The following FAM167A variants were observed in gnomAD, a reference collection of about 807,000 sequenced individuals.
The protein encoded by FAM167A is family with sequence similarity 167 member A, also known as protein FAM167A.
FAM167A carries 23 observed loss-of-function variants against 14.9 expected under a neutral mutation model. The ratio of observed to expected loss-of-function variants is 1.55; its 90% CI spans 1.11 to 2.19. The LOEUF is 2.19. Among genes scored for constraint, FAM167A ranks in the 30% most tolerant of loss-of-function variants. The pLI, the probability that FAM167A is intolerant of heterozygous loss-of-function variation, is 0.00. For missense variants in FAM167A, 401 were observed against 281.5 expected, an observed-to-expected ratio of 1.42 and a Z score of -3.04; for synonymous variants, 174 against 117.7, an observed-to-expected ratio of 1.48 and a Z score of -3.10.
upstream of FAM167A, among the ~76,000 whole-genome samples, chr8:11,468,974 G>C (rs1807869090): frequency 6.6e-6 from 1 of 152,160 alleles, no homozygotes; most frequent in South Asian, 2.1e-4. Flanking sequence ...GAGCAGTCTT[G>C]GTTGGAGTAG....
chr8:11,473,660 G>T (rs1808032736), intron 1 of FAM167A, among the ~76,000 whole-genome samples: 1 of 152,132 alleles, frequency 6.6e-6, no homozygotes, highest in Non-Finnish European at 1.5e-5. Context: ...CTATCTCTGG[G>T]TCTGCCCCTT....
chr8:11,448,850 C>T (rs976483919), intron 1 of FAM167A, among the ~76,000 whole-genome samples: 1 of 152,208 alleles, frequency 6.6e-6, no homozygotes, highest in African/African-American at 2.4e-5. Flanking sequence ...GCTGACAAGC[C>T]GAGCACCCAG....
At position 11,444,449 on chromosome 8, in the gene FAM167A, C is replaced by CA; in HGVS notation, c.-39_-38insT. Reference sequence around the variant, plus strand: ...CCTGGCAGCCGGACATGCGAGGGCACGGGGGGCGCAGGGGGAGGCTTGGTG... The same window carrying CA: ...CCTGGCAGCCGGACATGCGAGGGCACAGGGGGGCGCAGGGGGAGGCTTGGTG... On this transcript the variant is annotated 5_prime_UTR_variant, in exon 2 of 3. It removes the in-frame stop codon of an upstream open reading frame in the 5' UTR. Coordinates refer to ENST00000284486, the MANE Select transcript of FAM167A (RefSeq NM_053279.3). 1 of 1,479,696 alleles carries CA rather than the reference C, an allele frequency of 6.8e-7. No individual in the cohort carries two copies. The highest frequency in any genetic ancestry group is 9.0e-7 in the Non-Finnish European group (1 of 1,113,542). 91.7% of individuals were successfully genotyped at this position (1,479,696 alleles called of 1,614,324 possible).
chr8:11,448,109 G>A (rs1486637728), intron 1 of FAM167A, among the ~76,000 whole-genome samples: 2 of 151,674 alleles, frequency 1.3e-5, no homozygotes, highest in African/African-American at 4.8e-5. Flanking sequence ...CAGGAGAATC[G>A]CTTGAAACCA....
chr8:11,428,186 T>C (rs938726960), intron 2 of FAM167A, among the ~76,000 whole-genome samples: 22 of 152,156 alleles, frequency 1.4e-4, no homozygotes, highest in African/African-American at 5.1e-4. Flanking sequence ...AGTCGGGGAA[T>C]TTGGGGTGTG....
chr8:11,425,534 G>T (rs1259531300), intron 2 of FAM167A, among the ~76,000 whole-genome samples: 1 of 152,194 alleles, frequency 6.6e-6, no homozygotes, highest in Non-Finnish European at 1.5e-5. Flanking sequence ...TCCTATTGAT[G>T]TGTAAACACA....
upstream of FAM167A, among the ~76,000 whole-genome samples, chr8:11,470,985 G>T (rs377733164): frequency 4.6e-5 from 7 of 152,338 alleles, 1 homozygote; most frequent in East Asian, 1.3e-3. Flanking sequence ...GAACCTGTTA[G>T]TTCCATTTAG....
chr8:11,429,350 G>A (rs1052017290), intron 2 of FAM167A, among the ~76,000 whole-genome samples: 8 of 152,184 alleles, frequency 5.3e-5, no homozygotes, highest in Admixed American at 1.3e-4. Context: ...GGAGTTAGTC[G>A]GGAGGACGGC....
Position 11,447,183 on chromosome 8 carries a change from C to CTTTTCTTTTTT in FAM167A, c.-397-2376_-397-2375insAAAAAAGAAAA, listed in dbSNP as rs146992974. Among the ~76,000 whole-genome samples, 14 of 147,084 alleles carry CTTTTCTTTTTT rather than the reference C, an allele frequency of 9.5e-5. 1 individual carries two copies. Among genetic ancestry groups the CTTTTCTTTTTT allele is most frequent in the Non-Finnish European group, 8.9e-5 (6 of 67,056 alleles). On this transcript the variant is annotated intron_variant, in intron 1 of 2. Transcript: ENST00000284486. ...TTTATTTCAATTATTGGTTTCTTTT[C>CTTTTCTTTTTT]TTTTTCTTTTTTTTGAGACGGAGTT... is the stretch of plus-strand genomic sequence containing the variant.
chr8:11,443,988 G>C, intron 2 of FAM167A, 43 bp downstream of exon 2: 1 of 1,571,288 alleles, frequency 6.4e-7, no homozygotes, highest in South Asian at 1.2e-5. Context: ...GAGAGACGGT[G>C]GCATCTCCTC....
chr8:11,445,880 AATG>A (rs1344273631), intron 1 of FAM167A, among the ~76,000 whole-genome samples: 1 of 152,084 alleles, frequency 6.6e-6, no homozygotes, highest in Non-Finnish European at 1.5e-5. Context: ...ATTGATATGG[AATG>A]ATGTTTGAGA....
At chr8:11,475,168 C>T (rs751898072) in intron 1 of FAM167A, among the ~76,000 whole-genome samples, 2 of 152,158 alleles carry the variant, frequency 1.3e-5, no homozygotes, top group South Asian at 2.1e-4. Flanking sequence ...CAGCCAAGGC[C>T]CACCGTGGTG....
chr8:11,435,650 C>T (rs1282103466), intron 2 of FAM167A, among the ~76,000 whole-genome samples: 1 of 152,188 alleles, frequency 6.6e-6, no homozygotes, highest in Non-Finnish European at 1.5e-5. Context: ...GAGAGGCAGC[C>T]AGTAGAAAGG....
intron 2 of FAM167A, among the ~76,000 whole-genome samples, chr8:11,425,901 C>G (rs547155004): frequency 6.6e-6 from 1 of 152,304 alleles, no homozygotes; most frequent in African/African-American, 2.4e-5. Context: ...GTGGGAGATA[C>G]TTACATCTGT....
At chr8:11,468,708 C>T (rs1362980995), upstream of FAM167A, among the ~76,000 whole-genome samples, 2 of 152,226 alleles carry the variant, frequency 1.3e-5, no homozygotes, top group African/African-American at 2.4e-5. Context: ...CATTCAGCCC[C>T]ATCTGGAAAT....
intron 2 of FAM167A, among the ~76,000 whole-genome samples, chr8:11,425,319 A>T (rs1228542021): frequency 6.6e-6 from 1 of 152,202 alleles, no homozygotes. Context: ...ACACAGAGGC[A>T]CAGCCAGGGA....
intron 2 of FAM167A, chr8:11,437,960 G>C: frequency 3.2e-6 from 1 of 310,990 alleles, no homozygotes; most frequent in Non-Finnish European, 6.4e-6. Flanking sequence ...GATCATCTCA[G>C]AACTCAACTT....
intron 1 of FAM167A, among the ~76,000 whole-genome samples, chr8:11,475,610 G>C (rs564860863): frequency 6.2e-4 from 94 of 152,228 alleles, no homozygotes; most frequent in Non-Finnish European, 1.2e-3. Context: ...GCCATCAGAA[G>C]AGCCATTACG....
At chr8:11,457,298 G>A (rs1035153385) in intron 1 of FAM167A, among the ~76,000 whole-genome samples, 9 of 151,962 alleles carry the variant, frequency 5.9e-5, no homozygotes, top group Admixed American at 2.0e-4. Context: ...GTTTGCTGCC[G>A]GGGTTTCCCC....
Sources: allele counts gnomAD v4.1 joint callset (sites outside exome capture counted in the v4.1 genomes callset), GRCh38; gene constraint gnomAD v4.1.1; transcripts MANE v1.5; gene names NCBI Gene and HGNC (gene_info 2026-07-23, HGNC 2026-07-21).